The following PTPRG variants were observed in gnomAD, a reference collection of about 807,000 sequenced individuals.
The protein encoded by PTPRG is protein tyrosine phosphatase receptor type G.
In PTPRG, 102 loss-of-function variants were observed where a neutral mutation model predicts 165.3. The ratio of observed to expected loss-of-function variants is 0.62; its 90% confidence interval spans 0.53 to 0.73. The LOEUF is 0.73. Among genes scored for constraint, PTPRG ranks in the 30% least tolerant of loss-of-function variants. The pLI is 0.00. For missense variants in PTPRG, 1,866 were observed against 1,861.4 expected, an observed-to-expected ratio of 1.00 and a Z score of -0.05; for synonymous variants, 675 against 669.5, an observed-to-expected ratio of 1.01 and a Z score of -0.13.
At chr3:61,969,884 C>A (rs1217097898) in intron 2 of PTPRG, among the ~76,000 whole-genome samples, 1 of 152,162 alleles carries the variant, frequency 6.6e-6, no homozygotes, top group Non-Finnish European at 1.5e-5. Flanking sequence ...CTTTCTCAAT[C>A]ACACTGGTAG....
At chr3:61,801,082 G>A (rs1224819932) in intron 2 of PTPRG, among the ~76,000 whole-genome samples, 1 of 152,170 alleles carries the variant, frequency 6.6e-6, no homozygotes, top group African/African-American at 2.4e-5. Flanking sequence ...TGACTTCCTG[G>A]TAAGGTAAAA....
At chr3:61,976,486 C>T (rs1319484597) in intron 2 of PTPRG, among the ~76,000 whole-genome samples, 1 of 152,206 alleles carries the variant, frequency 6.6e-6, no homozygotes, top group African/African-American at 2.4e-5. Context: ...TAAATCACAG[C>T]ATCAGCTTAA....
chr3:62,160,296 G>C (rs765362541), intron 7 of PTPRG, among the ~76,000 whole-genome samples: 16 of 152,166 alleles, frequency 1.1e-4, no homozygotes, highest in Non-Finnish European at 2.4e-4. Flanking sequence ...GTTCCCTTTT[G>C]TGAGTCTAGT....
In PTPRG at chr3:61,567,876, C is replaced by A. The variant is rs115732470; in HGVS notation, c.85+5504C>A. ...GTATGCGCCTGTAGTTCCAGCTACT[C>A]CAGAGGTGGAGGACAGGACTTTGGG... On this transcript the variant is annotated intron_variant, in intron 1 of 29. Transcript: ENST00000474889. Among the ~76,000 whole-genome samples the A allele has an allele frequency of 4.6e-3, 681 of 149,218 alleles. 4 individuals are homozygous for A. The highest frequency in any genetic ancestry group is 0.016 in the African/African-American group (632 of 40,616).
At chr3:61,749,148 A>G (rs1191355924) in intron 2 of PTPRG, 166 bp downstream of exon 2, 4 of 710,528 alleles carry the variant, frequency 5.6e-6, no homozygotes, top group Admixed American at 4.0e-5. Context: ...TCAAGGTTAT[A>G]AGCACCTTAA....
At chr3:61,875,246 A>T (rs1023217499) in intron 2 of PTPRG, among the ~76,000 whole-genome samples, 2 of 152,076 alleles carry the variant, frequency 1.3e-5, no homozygotes, top group Non-Finnish European at 1.5e-5. Context: ...TTTAGGCCAC[A>T]TTCTGGTTCT....
chr3:61,862,412 G>A (rs1041118846), intron 2 of PTPRG, among the ~76,000 whole-genome samples: 8 of 136,242 alleles, frequency 5.9e-5, no homozygotes, highest in Middle Eastern at 4.1e-3. Context: ...ATGGAATTCC[G>A]CTGTTGTTGC....
At chr3:62,205,968 GTT>G (rs1262388436) in intron 12 of PTPRG, among the ~76,000 whole-genome samples, 1 of 152,166 alleles carries the variant, frequency 6.6e-6, no homozygotes, top group Non-Finnish European at 1.5e-5. Context: ...GGACCAGTGT[GTT>G]TTCTATGAAG....
Position 62,273,752 on chromosome 3 carries a change from A to G in PTPRG, c.3373A>G (p.Thr1125Ala). 1 of 1,613,750 alleles carries G rather than the reference A, an allele frequency of 6.2e-7. No homozygotes were observed. The highest frequency in any genetic ancestry group is 8.5e-7 in the Non-Finnish European group (1 of 1,179,710). The change falls in exon 23 of 30, where the codon ACT becomes GCT. Residue 1125 changes from threonine to alanine, a missense_variant. This residue lies in a region of PTPRG where 1,452 missense variants were observed against 1,463.0 expected (regional missense o/e 0.99). Transcript: ENST00000474889. This position sits in a 1 kb window ranked among gnomAD's most constrained non-coding sequence, Gnocchi z 4.1. Reference sequence around the variant, plus strand: ...GTTGGAAGCCATTCTTGGAAAGGAGACTGAAGTATCTTCAAATCAGCTGCA... The same window carrying G: ...GTTGGAAGCCATTCTTGGAAAGGAGGCTGAAGTATCTTCAAATCAGCTGCA... Reference protein sequence around the residue: ...ALLEAILGKETEVSSNQLHSY... With the variant: ...ALLEAILGKEAEVSSNQLHSY...
chr3:62,092,726 A>G (rs1701985046), intron 5 of PTPRG, among the ~76,000 whole-genome samples: 1 of 152,212 alleles, frequency 6.6e-6, no homozygotes, highest in African/African-American at 2.4e-5. Flanking sequence ...TGAGGTTTGT[A>G]TTAGTTAATA....
intron 4 of PTPRG, among the ~76,000 whole-genome samples, chr3:62,040,573 C>T (rs1700094731): frequency 6.6e-6 from 1 of 152,212 alleles, no homozygotes; most frequent in Non-Finnish European, 1.5e-5. Context: ...CCTGCCTCAG[C>T]CTCCCACGTA....
At chr3:62,032,467 C>G (rs891658295) in intron 4 of PTPRG, among the ~76,000 whole-genome samples, 1 of 152,134 alleles carries the variant, frequency 6.6e-6, no homozygotes, top group South Asian at 2.1e-4. Flanking sequence ...AGTGGCTAAA[C>G]TGGCAACTCA....
chr3:61,570,903 G>T (rs563701965), intron 1 of PTPRG, among the ~76,000 whole-genome samples: 1 of 152,102 alleles, frequency 6.6e-6, no homozygotes, highest in African/African-American at 2.4e-5. Context: ...GTAGCTAAGG[G>T]TGGTTACCCA....
chr3:62,114,449 T>A, intron 5 of PTPRG, among the ~76,000 whole-genome samples: 1 of 152,154 alleles, frequency 6.6e-6, no homozygotes, highest in Non-Finnish European at 1.5e-5. Context: ...ACAGGGCATT[T>A]TTGTTGTTGT....
At chr3:61,617,281 C>G (rs1016026818) in intron 1 of PTPRG, among the ~76,000 whole-genome samples, 21 of 152,136 alleles carry the variant, frequency 1.4e-4, no homozygotes, top group Non-Finnish European at 5.9e-5. Context: ...CAAGGGCTAA[C>G]TTGTTAATAA....
chr3:61,672,953 G>A (rs1326129299), intron 1 of PTPRG, among the ~76,000 whole-genome samples: 2 of 152,116 alleles, frequency 1.3e-5, no homozygotes, highest in Non-Finnish European at 1.5e-5. Context: ...GATTGGCCCA[G>A]GAGTTTGAGA....
At chr3:62,141,986 T>G (rs1434822155) in intron 6 of PTPRG, among the ~76,000 whole-genome samples, 7 of 151,608 alleles carry the variant, frequency 4.6e-5, no homozygotes, top group Non-Finnish European at 1.0e-4. Flanking sequence ...GTGCCCATCA[T>G]TAGCAGGCTG....
rs1703016942 is a variant in PTPRG at position 62,295,053 on chromosome 3, G to T, written c.*1746G>T. The T allele has an allele frequency of 6.6e-6, 1 of 152,128 alleles. No individual in the cohort carries two copies. The highest frequency in any genetic ancestry group is 2.1e-4 in the South Asian group (1 of 4,818). 9.4% of individuals were successfully genotyped at this position (152,128 alleles called of 1,614,324 possible). A position where few individuals can be genotyped will look rare whatever the true frequency, so the allele number is the denominator to read the frequency against. On this transcript the variant is annotated 3_prime_UTR_variant, in exon 30 of 30. Coordinates refer to ENST00000474889, the MANE Select transcript of PTPRG (RefSeq NM_002841.4). ...TTTCATAAACTACATAATTTACCAG[G>T]GTTTATCTCATCTTCTCAATACATA...
Position 62,229,749 on chromosome 3 carries a change from T to C in PTPRG, c.2289-1476T>C, listed in dbSNP as rs982917460. On this transcript the variant is annotated intron_variant, in intron 13 of 29. Coordinates refer to ENST00000474889, the MANE Select transcript of PTPRG (RefSeq NM_002841.4). The surrounding 1 kb of genome is among the most constrained non-coding windows in gnomAD (Gnocchi z 4.6). Reference sequence around the variant, plus strand: ...CCTCAAATATCTCAATTATTCAAGATATTAGTTATTGATTGTGTGGCATTT... The same window carrying C: ...CCTCAAATATCTCAATTATTCAAGACATTAGTTATTGATTGTGTGGCATTT... Among the ~76,000 whole-genome samples the C allele has an allele frequency of 1.3e-5, 2 of 152,198 alleles. No homozygotes were observed. The highest frequency in any genetic ancestry group is 4.8e-5 in the African/African-American group (2 of 41,456).
Sources: gnomAD v4.1 joint callset for allele counts (sites outside exome capture counted in the v4.1 genomes callset) on GRCh38, gnomAD v4.1.1 for gene constraint, gnomAD v4.1.1 regional missense constraint, Gnocchi (gnomAD v3.1) non-coding constraint, MANE v1.5 for transcripts, NCBI Gene and HGNC (gene_info 2026-07-23, HGNC 2026-07-21) for gene names.